The following PCDH9 variants were observed in gnomAD, a reference collection of about 807,000 sequenced individuals.
The protein encoded by PCDH9 is protocadherin 9.
PCDH9 carries 24 observed loss-of-function variants against 70.6 expected under a neutral mutation model. The ratio of observed to expected loss-of-function variants is 0.34; its 90% CI spans 0.25 to 0.48. The LOEUF (loss-of-function observed/expected upper bound fraction) is 0.48, where lower values mean the gene tolerates loss of function less well. Ranked by LOEUF, PCDH9 falls within the 20% of genes least tolerant of loss-of-function variation. The probability of loss-of-function intolerance (pLI) is 0.99; values close to 1 mark genes in which losing one functional copy is unlikely to be tolerated. For missense variants in PCDH9, 1,281 were observed against 1,503.6 expected (o/e 0.85, Z 2.45); for synonymous variants, 562 against 558.5 (o/e 1.01, Z -0.09).
intron 4 of PCDH9, among the ~76,000 whole-genome samples, chr13:66,591,572 T>G (rs563115115): frequency 1.1e-4 from 16 of 151,462 alleles, no homozygotes; most frequent in African/African-American, 2.4e-4. Flanking sequence ...CAGAAATCAA[T>G]TAGCATGTAA....
chr13:66,364,714 A>T (rs972241218), intron 4 of PCDH9, among the ~76,000 whole-genome samples: 1 of 152,196 alleles, frequency 6.6e-6, no homozygotes, highest in African/African-American at 2.4e-5. Context: ...GGAAAAAATG[A>T]TCTCTATATA....
Position 67,181,268 on chromosome 13 carries a change from A to T in PCDH9, c.3036+44137T>A, listed in dbSNP as rs975780692. ...ATCAAACTTGCATATAGTGCAAATAATTTTTTTTCAACTTTCTACTTAAAG... is the reference window on the plus strand; with the variant it reads ...ATCAAACTTGCATATAGTGCAAATATTTTTTTTTCAACTTTCTACTTAAAG... On this transcript the variant is annotated intron_variant, in intron 2 of 4. Transcript: ENST00000377865. Among the ~76,000 whole-genome samples, 7 of 152,018 alleles carry T rather than the reference A, an allele frequency of 4.6e-5. No individual in the cohort carries two copies. In the East Asian group the frequency reaches 1.2e-3, roughly 25 times the overall value.
chr13:66,887,250 T>A (rs1221137837), intron 3 of PCDH9, among the ~76,000 whole-genome samples: 1 of 152,070 alleles, frequency 6.6e-6, no homozygotes, highest in Non-Finnish European at 1.5e-5. Flanking sequence ...AGCTTCAGTA[T>A]CATTAGTGGG....
intron 4 of PCDH9, among the ~76,000 whole-genome samples, chr13:66,461,484 T>C (rs56105536): frequency 0.013 from 2,034 of 151,594 alleles, 48 homozygotes; most frequent in African/African-American, 0.047. Flanking sequence ...AGCTAACTTA[T>C]ATTTTTTAAT....
chr13:66,621,969 G>C (rs1415509445), intron 4 of PCDH9, among the ~76,000 whole-genome samples: 1 of 152,238 alleles, frequency 6.6e-6, no homozygotes, highest in Non-Finnish European at 1.5e-5. Context: ...AGCGGGAACC[G>C]GGGCTGCGCG....
intron 4 of PCDH9, among the ~76,000 whole-genome samples, chr13:66,506,399 G>C (rs1337515580): frequency 6.6e-6 from 1 of 152,086 alleles, no homozygotes; most frequent in Non-Finnish European, 1.5e-5. Flanking sequence ...CTCTTACCGT[G>C]GAAGACGGAC....
chr13:66,539,954 T>G (rs2138654358), intron 4 of PCDH9, among the ~76,000 whole-genome samples: 1 of 150,004 alleles, frequency 6.7e-6, no homozygotes, highest in Admixed American at 6.7e-5. Flanking sequence ...ACTGCAGCCT[T>G]GACTTTCTGG....
intron 4 of PCDH9, among the ~76,000 whole-genome samples, chr13:66,330,742 C>G (rs1005598469): frequency 6.6e-6 from 1 of 152,122 alleles, no homozygotes; most frequent in South Asian, 2.1e-4. Context: ...AAGAAAGAAA[C>G]CTTGCATGTA....
chr13:66,982,556 AGCC>A (rs2083796387), intron 2 of PCDH9, among the ~76,000 whole-genome samples: 1 of 152,190 alleles, frequency 6.6e-6, no homozygotes, highest in Middle Eastern at 3.2e-3. Flanking sequence ...ACTGTCTTCA[AGCC>A]CTACCTACCC....
intron 3 of PCDH9, among the ~76,000 whole-genome samples, chr13:66,853,690 A>G (rs192620890): frequency 5.9e-5 from 9 of 152,160 alleles, no homozygotes; most frequent in African/African-American, 1.2e-4. Flanking sequence ...AAAATTTCCA[A>G]AAGACTCACT....
intron 3 of PCDH9, among the ~76,000 whole-genome samples, chr13:66,654,004 T>C (rs2077891439): frequency 6.9e-6 from 1 of 144,632 alleles, no homozygotes; most frequent in African/African-American, 2.5e-5. Context: ...AAAATCAGTA[T>C]GTCAAAGAGA....
At position 66,691,153 on chromosome 13, in the gene PCDH9, C is replaced by T. The variant is rs570531933; in HGVS notation, c.3139-59742G>A. Among the ~76,000 whole-genome samples, 8 of 152,234 alleles carry T rather than the reference C, an allele frequency of 5.3e-5. No homozygotes were observed. The East Asian group carries it at 1.6e-3, about 30-fold the overall frequency. ...CCCAGGTTCAAGCGATCCTCCCACTCAGCCTCCCAAGCAGCTGGAATTACA... is the reference window on the plus strand; with the variant it reads ...CCCAGGTTCAAGCGATCCTCCCACTTAGCCTCCCAAGCAGCTGGAATTACA... On this transcript the variant is annotated intron_variant, in intron 3 of 4. Transcript: ENST00000377865.
At position 67,041,101 on chromosome 13, in the gene PCDH9, T is replaced by A. The variant is rs534598120; in HGVS notation, c.3037-137496A>T. The stretch of plus-strand genomic sequence containing the variant: ...TTAGATATACCCTTTTTACTAGTAA[T>A]AGAATGTTGTTAAAAGGTTCTTTTT... On this transcript the variant is annotated intron_variant, in intron 2 of 4. Transcript: ENST00000377865. 7.2e-5 allele frequency among the ~76,000 whole-genome samples: 11 copies of A among 152,182 alleles called. No individual in the cohort carries two copies. The South Asian group carries it at 2.3e-3, about 32-fold the overall frequency.
intron 4 of PCDH9, among the ~76,000 whole-genome samples, chr13:66,611,127 C>A (rs1443788550): frequency 6.6e-6 from 1 of 152,102 alleles, no homozygotes; most frequent in Non-Finnish European, 1.5e-5. Flanking sequence ...AAAAAATAAT[C>A]AATGAAACCA....
intron 2 of PCDH9, among the ~76,000 whole-genome samples, chr13:66,926,171 A>C (rs1363980719): frequency 6.6e-6 from 1 of 151,974 alleles, no homozygotes; most frequent in Non-Finnish European, 1.5e-5. Flanking sequence ...TGAAGATATC[A>C]CTTTTTTATG....
intron 3 of PCDH9, among the ~76,000 whole-genome samples, chr13:66,902,023 A>G (rs1227213256): frequency 6.6e-6 from 1 of 151,492 alleles, no homozygotes; most frequent in African/African-American, 2.4e-5. Context: ...ATGAGAAAAA[A>G]TTTTTCTCTG....
At chr13:66,331,918 T>C (rs1955949811) in intron 4 of PCDH9, among the ~76,000 whole-genome samples, 2 of 152,176 alleles carry the variant, frequency 1.3e-5, no homozygotes, top group Admixed American at 1.3e-4. Flanking sequence ...GAGAGGGTAC[T>C]GAAGGTAGGA....
chr13:66,877,396 T>G (rs2081835122), intron 3 of PCDH9, among the ~76,000 whole-genome samples: 1 of 151,282 alleles, frequency 6.6e-6, no homozygotes, highest in Non-Finnish European at 1.5e-5. Flanking sequence ...TTTTTTTTTT[T>G]GTTATTATTT....
At chr13:66,431,268 G>T (rs1364226089) in intron 4 of PCDH9, among the ~76,000 whole-genome samples, 1 of 151,988 alleles carries the variant, frequency 6.6e-6, no homozygotes, top group Non-Finnish European at 1.5e-5. Flanking sequence ...TCCTCTATGT[G>T]TAAGAAATAA....
Sources: allele counts gnomAD v4.1 joint callset (sites outside exome capture counted in the v4.1 genomes callset), GRCh38; gene constraint gnomAD v4.1.1; transcripts MANE v1.5; gene names NCBI Gene and HGNC (gene_info 2026-07-23, HGNC 2026-07-21).